Variants in RHPN1 observed in about 807,000 individuals in gnomAD.
RHPN1 encodes the protein rhophilin-1.
A neutral mutation model predicts 74.7 loss-of-function variants in RHPN1; 77 were observed. The ratio of observed to expected loss-of-function variants is 1.03; its 90% CI spans 0.86 to 1.25. The LOEUF (loss-of-function observed/expected upper bound fraction) is 1.25, where lower values mean the gene tolerates loss of function less well. RHPN1 is among the 50% of genes most tolerant of loss of function. The pLI is 0.00. For synonymous variants in RHPN1, 444 were observed against 414.5 expected (o/e 1.07, Z -0.87); for missense variants, 987 against 932.2 (o/e 1.06, Z -0.77).
chr8:143,376,548 G>A lies in RHPN1; in HGVS notation c.200G>A (p.Arg67Lys), dbSNP rs1320566137. 3 of 1,612,284 alleles carry A rather than the reference G, an allele frequency of 1.9e-6. No individual in the cohort carries two copies. The highest frequency in any genetic ancestry group is 2.7e-5 in the African/African-American group (2 of 74,920). Reference protein sequence around the residue: ...LYRATSNNRVRETVALELSYV... With the variant: ...LYRATSNNRVKETVALELSYV... ...AGAGCCACCAGCAACAACCGGGTGAGAGAGACGGTCGCCCTGGAGCTGAGC... is the reference window on the plus strand; with the variant it reads ...AGAGCCACCAGCAACAACCGGGTGAAAGAGACGGTCGCCCTGGAGCTGAGC... Residue 67 changes from arginine to lysine, a missense_variant, in exon 3 of 15, where the codon AGA becomes AAA. By Grantham distance (26) the Arg-to-Lys change is conservative. Transcript: ENST00000289013.
In RHPN1 at chr8:143,379,505, C is replaced by T. The variant is rs1302964163; in HGVS notation, c.942C>T (p.Ala314=). 1 of 1,547,242 alleles carries T rather than the reference C, an allele frequency of 6.5e-7. No homozygotes were observed. Among genetic ancestry groups the T allele is most frequent in the Non-Finnish European group, 8.7e-7 (1 of 1,145,330 alleles). The change falls in exon 8 of 15, where the codon GCC becomes GCT. Residue 314 remains alanine, a synonymous_variant. Transcript: ENST00000289013. ...AGCTGCGCCTGGCGCAGGAGGCCGC[C>T]CAGGTGAGCTCGGGCACCCGTGTCA... ...LAQLRLAQEA[A]QVAAEYRLVH...
rs536901526 is a variant in RHPN1 at position 143,379,803 on chromosome 8, C to T, written c.946-26C>T. 7.0e-5 allele frequency: 111 copies of T among 1,590,762 alleles called. No homozygotes were observed. In the South Asian group the frequency reaches 9.3e-4, roughly 13 times the overall value. On this transcript the variant is annotated intron_variant, in intron 8 of 14. Transcript: ENST00000289013. ...CACCACCTGGAGAGTGGGAGGCCCT[C>T]GCGTGCCTGCCACATCCACCGGCAG...
upstream of RHPN1, among the ~76,000 whole-genome samples, chr8:143,365,498 T>C (rs936075102): frequency 2.6e-5 from 4 of 152,230 alleles, no homozygotes; most frequent in African/African-American, 9.6e-5. Context: ...TGGAAGAAGC[T>C]GGCGCTGTGA....
At chr8:143,372,514 C>T (rs1365065484) in intron 1 of RHPN1, among the ~76,000 whole-genome samples, 8 of 148,074 alleles carry the variant, frequency 5.4e-5, no homozygotes, top group African/African-American at 1.5e-4. Context: ...GTGGTGTCCA[C>T]GGGGGCAGGG....
At position 143,379,809 on chromosome 8, in the gene RHPN1, C is replaced by T. The variant is rs370847717; in HGVS notation, c.946-20C>T. 15 of 1,599,152 alleles carry T rather than the reference C, an allele frequency of 9.4e-6. No individual in the cohort carries two copies. Among genetic ancestry groups the T allele is most frequent in the Non-Finnish European group, 1.3e-5 (15 of 1,172,714 alleles). On this transcript the variant is annotated intron_variant, in intron 8 of 14. Coordinates refer to ENST00000289013, the MANE Select transcript of RHPN1 (RefSeq NM_052924.3). The stretch of plus-strand genomic sequence containing the variant: ...CTGGAGAGTGGGAGGCCCTCGCGTG[C>T]CTGCCACATCCACCGGCAGGTGGCA...
At chr8:143,375,724 C>A in intron 2 of RHPN1, 56 bp downstream of exon 2, 1 of 1,333,762 alleles carries the variant, frequency 7.5e-7, no homozygotes, top group Non-Finnish European at 1.0e-6. Context: ...GTGAGGGGGG[C>A]AGGACAGCCA....
chr8:143,380,989 T>C (rs548369778), intron 11 of RHPN1, among the ~76,000 whole-genome samples: 25 of 152,246 alleles, frequency 1.6e-4, no homozygotes, highest in African/African-American at 5.5e-4. Context: ...CCTCAGCACC[T>C]CCCTCCCTGC....
At chr8:143,365,645 G>A (rs141136848), upstream of RHPN1, among the ~76,000 whole-genome samples, 530 of 152,338 alleles carry the variant, frequency 3.5e-3, 4 homozygotes, top group African/African-American at 0.012. Flanking sequence ...AAATCTGCAT[G>A]TTCCTGGTTG....
At chr8:143,369,869 G>C (rs1316249007) in intron 1 of RHPN1, among the ~76,000 whole-genome samples, 3 of 152,190 alleles carry the variant, frequency 2.0e-5, no homozygotes, top group African/African-American at 7.2e-5. Flanking sequence ...GGTTCTACTC[G>C]GCTTTGGTGT....
In RHPN1 at chr8:143,378,356, T is replaced by TCCCCCC; in HGVS notation, c.459+15_459+16insCCCCCC. 6.6e-7 allele frequency: 1 copy of TCCCCCC among 1,525,438 alleles called. No individual in the cohort carries two copies. Among genetic ancestry groups the TCCCCCC allele is most frequent in the Non-Finnish European group, 8.8e-7 (1 of 1,136,348 alleles). The allele number at this position is 1,525,438 out of a possible 1,614,324, so 94.5% of individuals were successfully genotyped here. A position where few individuals can be genotyped will look rare whatever the true frequency, so the allele number is the denominator to read the frequency against. On this transcript the variant is annotated intron_variant, in intron 5 of 14. Transcript: ENST00000289013. ...GGAGGCCCTGCGGCAGGTGTGTGGTTCCCCCGCCCACCCACCCTCCTGCAG... is the reference window on the plus strand; with the variant it reads ...GGAGGCCCTGCGGCAGGTGTGTGGTTCCCCCCCCCCCGCCCACCCACCCTCCTGCAG...
chr8:143,376,896 CTG>C (rs775607695), intron 3 of RHPN1, among the ~76,000 whole-genome samples: 4,350 of 48,938 alleles, frequency 0.089, 111 homozygotes, highest in Middle Eastern at 0.18. Flanking sequence ...GTGCATGCGT[CTG>C]TGTGCGCGTG....
intron 4 of RHPN1, 36 bp from the exon 5 acceptor site, chr8:143,378,229 CACAG>C (rs754491832): frequency 3.3e-6 from 5 of 1,513,906 alleles, no homozygotes; most frequent in Non-Finnish European, 4.5e-6. Context: ...GGAGGCCAGG[CACAG>C]GGGTACTGTG....
At chr8:143,376,905 CGT>C (rs368351900) in intron 3 of RHPN1, among the ~76,000 whole-genome samples, 5,575 of 110,786 alleles carry the variant, frequency 0.05, 311 homozygotes, top group African/African-American at 0.16. Flanking sequence ...TCTGTGTGCG[CGT>C]GTGTCTGTGT....
intron 3 of RHPN1, among the ~76,000 whole-genome samples, chr8:143,377,159 C>T (rs901760): frequency 0.61 from 92,080 of 151,666 alleles, 30,827 homozygotes; most frequent in South Asian, 0.83. Flanking sequence ...TGTGTGCGCG[C>T]GCATGTGTGT....
At chr8:143,370,347 T>A (rs1005740208) in intron 1 of RHPN1, among the ~76,000 whole-genome samples, 6 of 152,114 alleles carry the variant, frequency 3.9e-5, no homozygotes, top group Non-Finnish European at 8.8e-5. Flanking sequence ...GAGGTGGCAG[T>A]GGGGCGGAGG....
At chr8:143,371,039 T>C (rs1211689734) in intron 1 of RHPN1, among the ~76,000 whole-genome samples, 3 of 152,036 alleles carry the variant, frequency 2.0e-5, no homozygotes, top group Non-Finnish European at 4.4e-5. Flanking sequence ...TGGTTACAGG[T>C]TCCCAGGCCC....
At chr8:143,378,194 A>G in intron 4 of RHPN1, 75 bp from the exon 5 acceptor site, 1 of 1,236,726 alleles carries the variant, frequency 8.1e-7, no homozygotes, top group East Asian at 2.5e-5. Flanking sequence ...TCTTTTCCCA[A>G]GGTGGGTTGG....
chr8:143,381,634 C>T lies in RHPN1; in HGVS notation c.1551C>T (p.Thr517=), dbSNP rs1446988206. The T allele has an allele frequency of 8.1e-6, 13 of 1,610,840 alleles. No individual in the cohort carries two copies. Among genetic ancestry groups the T allele is most frequent in the Non-Finnish European group, 1.0e-5 (12 of 1,179,296 alleles). ...RWRLVGPVHL[T]RGEGGFGLTL... is the part of the protein sequence containing the mutation. ...GGCTGGTGGGGCCCGTCCACCTGAC[C>T]CGAGGAGAGGGCGGCTTTGGCCTCA... Residue 517 remains threonine (T), a synonymous_variant, in exon 13 of 15, where the codon ACC becomes ACT. Coordinates refer to ENST00000289013, the MANE Select transcript of RHPN1 (RefSeq NM_052924.3).
At chr8:143,376,675 G>T in intron 3 of RHPN1, 22 bp downstream of exon 3, 1 of 1,550,942 alleles carries the variant, frequency 6.4e-7, no homozygotes, top group Non-Finnish European at 8.7e-7. Flanking sequence ...GGCCGGGACA[G>T]CACGTGCGTG....
Sources: gnomAD v4.1 joint callset for allele counts (sites outside exome capture counted in the v4.1 genomes callset) on GRCh38, gnomAD v4.1.1 for gene constraint, MANE v1.5 for transcripts, NCBI Gene and HGNC (gene_info 2026-07-23, HGNC 2026-07-21) for gene names.